The following SHTN1 variants were observed in gnomAD, a reference collection of about 807,000 sequenced individuals.
SHTN1 encodes the protein shootin-1.
A neutral mutation model predicts 83.1 loss-of-function variants in SHTN1; 42 were observed. The ratio of observed to expected loss-of-function variants is 0.51; its 90% CI spans 0.39 to 0.65. The LOEUF (loss-of-function observed/expected upper bound fraction) is 0.65. Ranked by LOEUF, SHTN1 falls within the 30% of genes least tolerant of loss-of-function variation. The probability of loss-of-function intolerance (pLI) is 0.00; values close to 1 mark genes in which losing one functional copy is unlikely to be tolerated. For synonymous variants in SHTN1, 224 were observed against 247.7 expected (o/e 0.90, Z 0.90); for missense variants, 622 against 737.8 (o/e 0.84, Z 1.82).
chr10:117,069,687 C>G (rs1286679613), intron 1 of SHTN1, among the ~76,000 whole-genome samples: 3 of 152,280 alleles, frequency 2.0e-5, no homozygotes, highest in Admixed American at 6.5e-5. Context: ...CTTGTTTCCT[C>G]TCTATAACTA....
intron 1 of SHTN1, among the ~76,000 whole-genome samples, chr10:116,982,146 G>A (rs898257550): frequency 6.6e-6 from 1 of 152,132 alleles, no homozygotes; most frequent in African/African-American, 2.4e-5. Context: ...TAATGGTTTT[G>A]AAGTCTTTTT....
chr10:116,912,549 A>G (rs890058496), intron 13 of SHTN1, among the ~76,000 whole-genome samples: 6 of 152,192 alleles, frequency 3.9e-5, no homozygotes, highest in Admixed American at 1.3e-4. Flanking sequence ...TCTTCTGGCC[A>G]TACCATGGAC....
rs1347244109 is a variant in SHTN1 at position 116,882,699 on chromosome 10, G to A, written c.*3645C>T. ...CACTGAGGACCTCTCCTTTTAAAGA[G>A]TACTAACAAGGGACCTTAATTTCCT... On this transcript the variant is annotated 3_prime_UTR_variant, in exon 17 of 17. Transcript: ENST00000355371. The A allele has an allele frequency of 6.6e-6, 1 of 152,104 alleles. No homozygotes were observed. The highest frequency in any genetic ancestry group is 2.4e-5 in the African/African-American group (1 of 41,414). The allele number at this position is 152,104 out of a possible 1,614,324, so 9.4% of individuals were successfully genotyped here.
chr10:116,946,166 G>A (rs1451860669), intron 7 of SHTN1, among the ~76,000 whole-genome samples: 1 of 150,216 alleles, frequency 6.7e-6, no homozygotes, highest in East Asian at 1.9e-4. Context: ...CCTTTTACTG[G>A]TATTTCCTCT....
chr10:116,899,546 T>TGTGTGA (rs1311755308), intron 16 of SHTN1, among the ~76,000 whole-genome samples: 2,213 of 123,754 alleles, frequency 0.018, 60 homozygotes, highest in African/African-American at 0.062. Flanking sequence ...TGTGTGTGTG[T>TGTGTGA]GAGAGAGTGC....
chr10:116,969,539 G>T (rs974242754), intron 2 of SHTN1, among the ~76,000 whole-genome samples: 2 of 152,154 alleles, frequency 1.3e-5, no homozygotes, highest in African/African-American at 4.8e-5. Context: ...CGGAATAGAG[G>T]AAGGTACCAA....
chr10:116,949,712 T>G (rs1394284137), intron 6 of SHTN1, among the ~76,000 whole-genome samples: 1 of 152,186 alleles, frequency 6.6e-6, no homozygotes, highest in Admixed American at 6.5e-5. Context: ...ATTTTTGACT[T>G]AAGTAAGATG....
At chr10:117,043,713 A>G (rs1028029122) in intron 2 of SHTN1, among the ~76,000 whole-genome samples, 1 of 152,028 alleles carries the variant, frequency 6.6e-6, no homozygotes, top group African/African-American at 2.4e-5. Flanking sequence ...ATGGTGGCAC[A>G]TGCCTGTAGT....
At chr10:117,028,194 T>C (rs529409403) in intron 2 of SHTN1, among the ~76,000 whole-genome samples, 12 of 152,238 alleles carry the variant, frequency 7.9e-5, no homozygotes, top group Non-Finnish European at 1.8e-4. Flanking sequence ...ATTTGGGGTA[T>C]ATGGTGAAAG....
chr10:116,966,899 T>A (rs1025109491), intron 3 of SHTN1, among the ~76,000 whole-genome samples: 3 of 152,216 alleles, frequency 2.0e-5, no homozygotes, highest in Non-Finnish European at 2.9e-5. Flanking sequence ...TTGGAATTCA[T>A]ACATTTGCAA....
rs887877125 is a variant in SHTN1 at position 117,063,995 on chromosome 10, C to T, written c.-188-15485G>A. Among the ~76,000 whole-genome samples, 4 of 152,160 alleles carry T rather than the reference C, an allele frequency of 2.6e-5. No homozygotes were observed. The South Asian group carries it at 6.2e-4, about 24-fold the overall frequency. ...AAAAGTAACACCAAAAGTATCACTT[C>T]GGAATAAAGGATGGTCCTTTAAACT... On this transcript the variant is annotated intron_variant, in intron 1 of 17. Coordinates refer to the SHTN1 transcript ENST00000392901.
At chr10:116,968,743 C>A in intron 2 of SHTN1, 31 bp from the exon 3 acceptor site, 1 of 1,559,060 alleles carries the variant, frequency 6.4e-7, no homozygotes, top group Non-Finnish European at 8.8e-7. Flanking sequence ...AAATGTTAAA[C>A]TTCAATCATA....
At chr10:116,887,947 C>T (rs75259817) in intron 16 of SHTN1, among the ~76,000 whole-genome samples, 152 of 152,302 alleles carry the variant, frequency 1.0e-3, no homozygotes, top group Middle Eastern at 3.4e-3. Context: ...GACCCGGTCA[C>T]GGGCACAAAA....
chr10:117,021,256 C>A lies in SHTN1; in HGVS notation c.-123+27189G>T, dbSNP rs192782586. ...GGCGTTGTGGTACGTGCCTCCCTTC[C>A]TCCCTCCCTTCCTCCTTTCCTCCCT... is the stretch of plus-strand genomic sequence containing the variant. On this transcript the variant is annotated intron_variant, in intron 2 of 17. Transcript: ENST00000392901. Among the ~76,000 whole-genome samples, 11 of 151,774 alleles carry A rather than the reference C, an allele frequency of 7.2e-5. No individual in the cohort carries two copies. The East Asian group carries it at 1.9e-3, about 27-fold the overall frequency.
intron 2 of SHTN1, among the ~76,000 whole-genome samples, chr10:117,010,960 A>G (rs1852094968): frequency 6.6e-6 from 1 of 152,238 alleles, no homozygotes; most frequent in African/African-American, 2.4e-5. Flanking sequence ...AGCCACAGCT[A>G]TAATCATGGT....
At chr10:117,097,806 A>G (rs1285005348) in intron 1 of SHTN1, among the ~76,000 whole-genome samples, 1 of 152,162 alleles carries the variant, frequency 6.6e-6, no homozygotes, top group African/African-American at 2.4e-5. Flanking sequence ...CTGCATCTCT[A>G]TTTAAGACTC....
At chr10:116,990,525 A>G (rs991954091) in intron 1 of SHTN1, among the ~76,000 whole-genome samples, 2 of 151,600 alleles carry the variant, frequency 1.3e-5, no homozygotes, top group Non-Finnish European at 2.9e-5. Context: ...ACATTCTCTT[A>G]ATTGTCTTAA....
intron 14 of SHTN1, chr10:116,911,498 G>A: frequency 6.4e-7 from 1 of 1,550,436 alleles, no homozygotes; most frequent in Non-Finnish European, 8.7e-7. Flanking sequence ...CATATGGCCA[G>A]CCACTTCATC....
At chr10:116,966,438 A>C (rs1589851508) in intron 3 of SHTN1, among the ~76,000 whole-genome samples, 1 of 152,228 alleles carries the variant, frequency 6.6e-6, no homozygotes, top group East Asian at 1.9e-4. Flanking sequence ...AAATTAATTA[A>C]AGACACTTAG....
Sources: gnomAD v4.1 joint callset for allele counts (sites outside exome capture counted in the v4.1 genomes callset) on GRCh38, gnomAD v4.1.1 for gene constraint, MANE v1.5 for transcripts, NCBI Gene and HGNC (gene_info 2026-07-23, HGNC 2026-07-21) for gene names.